FOXP1: variants seen among roughly 807,000 people sequenced by gnomAD.
The protein encoded by FOXP1 is forkhead box P1.
A neutral mutation model predicts 98.2 loss-of-function variants in FOXP1; 15 were observed. The observed-to-expected ratio is 0.15, with a 90% CI of 0.10 to 0.24. The LOEUF is 0.24. Ranked by LOEUF, FOXP1 falls within the 10% of genes least tolerant of loss-of-function variation. The probability of loss-of-function intolerance (pLI) is 1.00; values close to 1 mark genes in which losing one functional copy is unlikely to be tolerated. For missense variants in FOXP1, 633 were observed against 848.5 expected (o/e 0.75, Z 3.15); for synonymous variants, 371 against 314.5 (o/e 1.18, Z -1.90).
chr3:71,514,841 A>T (rs1223337783), intron 2 of FOXP1, among the ~76,000 whole-genome samples: 1 of 152,222 alleles, frequency 6.6e-6, no homozygotes, highest in East Asian at 1.9e-4. Context: ...CACGCCCAGT[A>T]AGGGACTGAA....
chr3:71,531,151 A>G (rs1184731914), intron 2 of FOXP1, among the ~76,000 whole-genome samples: 1 of 152,224 alleles, frequency 6.6e-6, no homozygotes, highest in African/African-American at 2.4e-5. Flanking sequence ...ATAAATAAAT[A>G]TAATTTCTTC....
At chr3:71,046,569 G>T (rs1025964996) in intron 10 of FOXP1, among the ~76,000 whole-genome samples, 9 of 152,142 alleles carry the variant, frequency 5.9e-5, no homozygotes, top group African/African-American at 2.2e-4. Context: ...ATGTTACATG[G>T]TATAAAATGT....
At chr3:71,285,857 T>C (rs890970110) in intron 5 of FOXP1, among the ~76,000 whole-genome samples, 4 of 152,190 alleles carry the variant, frequency 2.6e-5, no homozygotes, top group African/African-American at 9.7e-5. Context: ...CACAGTTTCA[T>C]CTTCAGTAAA....
intron 11 of FOXP1, among the ~76,000 whole-genome samples, chr3:71,020,668 C>T (rs1175283793): frequency 2.0e-5 from 3 of 152,200 alleles, no homozygotes; most frequent in African/African-American, 7.2e-5. Flanking sequence ...ATCTGCCAAG[C>T]CATTTCCTGC....
At chr3:71,331,430 C>T (rs1333050970) in intron 4 of FOXP1, among the ~76,000 whole-genome samples, 1 of 151,164 alleles carries the variant, frequency 6.6e-6, no homozygotes. Context: ...AAGCGCCGCT[C>T]CCTGCTCCAC....
At chr3:71,402,844 G>T (rs1186349198) in intron 3 of FOXP1, among the ~76,000 whole-genome samples, 1 of 152,228 alleles carries the variant, frequency 6.6e-6, no homozygotes. Flanking sequence ...AGGACAAGCT[G>T]CTAAGAGGGG....
At chr3:70,988,789 C>T (rs553223451) in intron 13 of FOXP1, among the ~76,000 whole-genome samples, 3 of 152,358 alleles carry the variant, frequency 2.0e-5, no homozygotes, top group African/African-American at 7.2e-5. Flanking sequence ...CTTTATGCTT[C>T]GCTTGGACTG....
intron 3 of FOXP1, among the ~76,000 whole-genome samples, chr3:71,447,669 G>A (rs994842690): frequency 2.6e-5 from 4 of 152,164 alleles, no homozygotes; most frequent in African/African-American, 4.8e-5. Context: ...CACGTCCAGC[G>A]TGCCCTACCT....
In FOXP1 at chr3:71,401,326, C is replaced by T. The variant is rs535074799; in HGVS notation, c.-167-42082G>A. 2.6e-5 allele frequency among the ~76,000 whole-genome samples: 4 copies of T among 152,198 alleles called. No homozygotes were observed. The East Asian group carries it at 5.8e-4, about 22-fold the overall frequency. The stretch of plus-strand genomic sequence containing the variant: ...ATGCCTTCTAGCATTCTCTGGATGA[C>T]GGATCAAGAGGAATGATAAAAGAGA... On this transcript the variant is annotated intron_variant, in intron 3 of 20. Coordinates refer to ENST00000649528, the MANE Select transcript of FOXP1 (RefSeq NM_001349338.3).
At chr3:71,538,655 A>G (rs1438563882) in intron 2 of FOXP1, among the ~76,000 whole-genome samples, 1 of 152,166 alleles carries the variant, frequency 6.6e-6, no homozygotes, top group Admixed American at 6.5e-5. Flanking sequence ...AGACAATTTC[A>G]TTCCTCTTGG....
intron 3 of FOXP1, among the ~76,000 whole-genome samples, chr3:71,410,981 T>C (rs10212421): frequency 0.69 from 105,339 of 152,068 alleles, 37,747 homozygotes; most frequent in Non-Finnish European, 0.74. Flanking sequence ...ACAGGCAAGC[T>C]GTTTACTCCC....
intron 6 of FOXP1, among the ~76,000 whole-genome samples, chr3:71,113,496 C>T (rs942315064): frequency 4.6e-5 from 7 of 151,850 alleles, no homozygotes; most frequent in East Asian, 1.9e-4. Context: ...CTTGGGAGAC[C>T]GAGGTCAGGA....
intron 1 of FOXP1, 73 bp from the exon 2 acceptor site, chr3:71,581,770 C>A (rs912238915): frequency 1.0e-6 from 1 of 985,776 alleles, no homozygotes; most frequent in South Asian, 4.7e-5. Flanking sequence ...CTGAAGGGGA[C>A]GGGACGGGTG....
At chr3:71,256,740 A>C (rs1259658842) in intron 5 of FOXP1, among the ~76,000 whole-genome samples, 1 of 151,978 alleles carries the variant, frequency 6.6e-6, no homozygotes, top group African/African-American at 2.4e-5. Context: ...GTAGGCTGGG[A>C]CTCTTAGTCA....
rs1288976 is a variant in FOXP1, at chr3:71,046,678, G to A, written c.664+264C>T. On this transcript the variant is annotated intron_variant, in intron 10 of 20. Coordinates refer to ENST00000649528, the MANE Select transcript of FOXP1 (RefSeq NM_001349338.3). ...AAATGCTCAGTAAGTGAAAAGTAGC[G>A]CCTCATTCTCTTACTCCAAGAGTGT... is the stretch of plus-strand genomic sequence containing the variant. Among the ~76,000 whole-genome samples the A allele has an allele frequency of 0.028, 4,206 of 152,198 alleles. 210 individuals are homozygous for A. The highest frequency in any genetic ancestry group is 0.093 in the African/African-American group (3,866 of 41,512).
At chr3:71,135,441 C>G (rs1024391956) in intron 6 of FOXP1, among the ~76,000 whole-genome samples, 1 of 151,984 alleles carries the variant, frequency 6.6e-6, no homozygotes, top group South Asian at 2.1e-4. Flanking sequence ...GCCCCTACCC[C>G]CTACTCCCAA....
At chr3:71,344,251 CT>C (rs1560340831) in intron 4 of FOXP1, among the ~76,000 whole-genome samples, 1 of 152,186 alleles carries the variant, frequency 6.6e-6, no homozygotes. Context: ...AGAGTTTCCC[CT>C]AACCCTAAAA....
At chr3:71,264,782 T>A (rs907613208) in intron 5 of FOXP1, among the ~76,000 whole-genome samples, 1 of 152,194 alleles carries the variant, frequency 6.6e-6, no homozygotes, top group Non-Finnish European at 1.5e-5. Flanking sequence ...GGTACTCCCA[T>A]CAATATGAAA....
intron 6 of FOXP1, among the ~76,000 whole-genome samples, chr3:71,176,328 C>A (rs1415494734): frequency 6.6e-6 from 1 of 152,130 alleles, no homozygotes; most frequent in Non-Finnish European, 1.5e-5. Context: ...CTATAAAATA[C>A]CAGTTGCAAC....
Sources: allele counts gnomAD v4.1 joint callset (sites outside exome capture counted in the v4.1 genomes callset), GRCh38; gene constraint gnomAD v4.1.1; transcripts MANE v1.5; gene names NCBI Gene and HGNC (gene_info 2026-07-23, HGNC 2026-07-21).